TMEM260: variants seen among roughly 807,000 people sequenced by gnomAD.
TMEM260 encodes the protein protein O-mannosyl-transferase TMEM260.
Under a neutral mutation model 88.9 loss-of-function variants are expected in TMEM260, and 82 were observed. The observed-to-expected ratio is 0.92, with a 90% CI of 0.77 to 1.11. TMEM260 has a LOEUF of 1.11. Among genes scored for constraint, TMEM260 ranks in the 50% least tolerant of loss-of-function variants. The pLI is 0.00. For synonymous variants in TMEM260, 314 were observed against 309.3 expected (o/e 1.02, Z -0.16); for missense variants, 902 against 853.4 (o/e 1.06, Z -0.71).
intron 14 of TMEM260, 57 bp downstream of exon 14, chr14:56,635,009 C>G (rs1888930071): frequency 2.7e-6 from 4 of 1,460,378 alleles, no homozygotes; most frequent in Admixed American, 1.7e-5. Flanking sequence ...AGGGAAGTAG[C>G]TTATGGCACT....
chr14:56,609,121 T>C lies in TMEM260; in HGVS notation c.652T>C (p.Ser218Pro). 6.2e-7 allele frequency: 1 copy of C among 1,614,164 alleles called. No homozygotes were observed. The highest frequency in any genetic ancestry group is 8.5e-7 in the Non-Finnish European group (1 of 1,180,010). ...TCTGATGCAGGAACTCTCCCTGGGC[T>C]CTTTGTTGAAGTTGAGCCTGTACTT... ...LLKKKELSLG[S>P]LLKLSLYFSA... Residue 218 changes from serine (S) to proline (P), a missense_variant, in exon 6 of 16, where the codon TCT (serine) becomes CCT (proline). Coordinates refer to ENST00000261556, the MANE Select transcript of TMEM260 (RefSeq NM_017799.4).
At chr14:56,619,932 A>G (rs988825294) in intron 10 of TMEM260, among the ~76,000 whole-genome samples, 8 of 152,232 alleles carry the variant, frequency 5.3e-5, no homozygotes, top group African/African-American at 1.9e-4. Flanking sequence ...TGTGGTCCAT[A>G]TACACCATGG....
rs1199520316 is a variant in TMEM260, at chr14:56,579,884, C to A, written c.-31C>A. 8.1e-7 allele frequency: 1 copy of A among 1,231,888 alleles called. No homozygotes were observed. The highest frequency in any genetic ancestry group is 1.0e-6 in the Non-Finnish European group (1 of 987,672). The allele number at this position is 1,231,888 out of a possible 1,614,324, so 76.3% of individuals were successfully genotyped here. A position where few individuals can be genotyped will look rare whatever the true frequency, so the allele number is the denominator to read the frequency against. On this transcript the variant is annotated 5_prime_UTR_variant, in exon 1 of 16. Transcript: ENST00000261556. ...TGTCGCACCGGGTTCTTGGGCTGGC[C>A]GTGTCCTTCTCCCTCGGTCGCCACT...
chr14:56,585,454 A>G (rs1157179827), intron 2 of TMEM260, among the ~76,000 whole-genome samples: 1 of 152,066 alleles, frequency 6.6e-6, no homozygotes. Context: ...GCTTTTTTTC[A>G]ATAGCCTTTT....
At chr14:56,580,475 T>G (rs1015603871) in intron 1 of TMEM260, among the ~76,000 whole-genome samples, 1 of 152,220 alleles carries the variant, frequency 6.6e-6, no homozygotes, top group African/African-American at 2.4e-5. Context: ...CCAGTGCGGT[T>G]AGACAATACA....
chr14:56,636,489 T>C lies in TMEM260; in HGVS notation c.1779-19T>C. On this transcript the variant is annotated intron_variant, in intron 14 of 15. Coordinates refer to ENST00000261556, the MANE Select transcript of TMEM260 (RefSeq NM_017799.4). Reference sequence around the variant, plus strand: ...ATTGACTGTATGATTTTAATGAAGGTTCCTATCCCCACCCCCAGGATGAAA... The same window carrying C: ...ATTGACTGTATGATTTTAATGAAGGCTCCTATCCCCACCCCCAGGATGAAA... 6.2e-7 allele frequency: 1 copy of C among 1,609,546 alleles called. No homozygotes were observed. Among genetic ancestry groups the C allele is most frequent in the Non-Finnish European group, 8.5e-7 (1 of 1,175,982 alleles).
the TMEM260 span, among the ~76,000 whole-genome samples, chr14:56,656,288 G>A: frequency 4.6e-5 from 7 of 152,024 alleles, no homozygotes; most frequent in Admixed American, 1.3e-4. Flanking sequence ...GCATGGTGTC[G>A]TGTGCCTGTG....
At position 56,605,611 on chromosome 14, in the gene TMEM260, T is replaced by G; in HGVS notation, c.564T>G (p.Cys188Trp). 1 of 1,583,504 alleles carries G rather than the reference T, an allele frequency of 6.3e-7. No homozygotes were observed. The change falls in exon 5 of 16, where the codon TGT (cysteine) becomes TGG (tryptophan). Residue 188 changes from cysteine to tryptophan, a missense_variant. Coordinates refer to ENST00000261556, the MANE Select transcript of TMEM260 (RefSeq NM_017799.4). ...CTTTCTGCTGTGGCCTTAGTTTATGTAACCAGCACACAATAATACTCTATG... is the reference window on the plus strand; with the variant it reads ...CTTTCTGCTGTGGCCTTAGTTTATGGAACCAGCACACAATAATACTCTATG... The part of the protein sequence containing the change: ...IGAFCCGLSL[C>W]NQHTIILYVL...
At chr14:56,580,330 C>A (rs557960477) in intron 1 of TMEM260, among the ~76,000 whole-genome samples, 1 of 152,226 alleles carries the variant, frequency 6.6e-6, no homozygotes, top group African/African-American at 2.4e-5. Context: ...ATCGACCTCT[C>A]CACTTCCCCA....
At position 56,580,045 on chromosome 14, in the gene TMEM260, T is replaced by A. The variant is rs1885007286; in HGVS notation, c.131T>A (p.Leu44Gln). The change falls in exon 1 of 16, where the codon CTG (leucine) becomes CAG (glutamine). Residue 44 changes from leucine to glutamine, a missense_variant. By Grantham distance (113) the Leu-to-Gln change is moderately radical. Transcript: ENST00000261556. Reference sequence around the variant, plus strand: ...GTGGCCGCAGTGTTCACCTTCACCCTGCCCCCTTCGGTACCGGGGGGAGAC... The same window carrying A: ...GTGGCCGCAGTGTTCACCTTCACCCAGCCCCCTTCGGTACCGGGGGGAGAC... ...AAVAAVFTFT[L>Q]PPSVPGGDSG... 8.0e-7 allele frequency: 1 copy of A among 1,251,748 alleles called. No individual in the cohort carries two copies. The highest frequency in any genetic ancestry group is 1.5e-5 in the African/African-American group (1 of 64,842). 77.5% of individuals were successfully genotyped at this position (1,251,748 alleles called of 1,614,324 possible).
intron 10 of TMEM260, among the ~76,000 whole-genome samples, chr14:56,620,666 C>G (rs968360489): frequency 6.6e-6 from 1 of 152,188 alleles, no homozygotes; most frequent in Non-Finnish European, 1.5e-5. Context: ...ATTTTTACAT[C>G]AATTACAAAG....
At chr14:56,642,598 G>A (rs1469223898) in intron 15 of TMEM260, among the ~76,000 whole-genome samples, 7 of 150,560 alleles carry the variant, frequency 4.6e-5, no homozygotes, top group East Asian at 2.0e-4. Context: ...AATTAAAAGA[G>A]CTAGAGAAGC....
chr14:56,636,732 A>C, intron 15 of TMEM260, 134 bp downstream of exon 15: 2 of 750,394 alleles, frequency 2.7e-6, no homozygotes, highest in South Asian at 3.7e-5. Flanking sequence ...GGTATAAAGC[A>C]GCACATATGA....
chr14:56,591,147 C>A lies in TMEM260; in HGVS notation c.344+5235C>A, dbSNP rs1885830407. Among the ~76,000 whole-genome samples the A allele has an allele frequency of 3.3e-5, 5 of 152,300 alleles. No individual in the cohort carries two copies. The South Asian group carries it at 1.0e-3, about 32-fold the overall frequency. On this transcript the variant is annotated intron_variant, in intron 3 of 15. Transcript: ENST00000261556. ...AACATTTAAATTGCTAAATCTGTTT[C>A]CTGCCGAGATTTTGCCACTGGAACT... is the stretch of plus-strand genomic sequence containing the variant.
Position 56,625,505 on chromosome 14 carries a change from T to A in TMEM260, c.1522T>A (p.Tyr508Asn). ...LPSGMVTFNL[Y>N]HFLEVNKQKE... ...TAGTGGAATGGTCACATTTAATCTTTATCATTTTCTTGAAGTAAATAAACA... is the reference window on the plus strand; with the variant it reads ...TAGTGGAATGGTCACATTTAATCTTAATCATTTTCTTGAAGTAAATAAACA... Residue 508 changes from tyrosine (Y) to asparagine (N), a missense_variant, in exon 12 of 16, where the codon TAT (tyrosine) becomes AAT (asparagine). Coordinates refer to ENST00000261556, the MANE Select transcript of TMEM260 (RefSeq NM_017799.4). The A allele has an allele frequency of 1.9e-6, 3 of 1,600,224 alleles. No individual in the cohort carries two copies. The highest frequency in any genetic ancestry group is 2.6e-6 in the Non-Finnish European group (3 of 1,170,708).
At chr14:56,659,007 G>A in the TMEM260 span, among the ~76,000 whole-genome samples, 4,643 of 152,294 alleles carry the variant, frequency 0.03, 127 homozygotes, top group East Asian at 0.14. Context: ...TGGGATTACA[G>A]GCATGAGCCA....
rs186669103 is a variant in TMEM260 at position 56,625,548 on chromosome 14, A to G, written c.1547+18A>G. 6.5e-4 allele frequency: 1,014 copies of G among 1,557,670 alleles called. 1 individual carries two copies. The highest frequency in any genetic ancestry group is 7.4e-4 in the Non-Finnish European group (845 of 1,141,982). On this transcript the variant is annotated intron_variant, in intron 12 of 15. Coordinates refer to ENST00000261556, the MANE Select transcript of TMEM260 (RefSeq NM_017799.4). Reference sequence around the variant, plus strand: ...AATAAACAGTAAGCATTCTTTTTATATAATAGCTTTTCTAAAATCTTAAGC... The same window carrying G: ...AATAAACAGTAAGCATTCTTTTTATGTAATAGCTTTTCTAAAATCTTAAGC...
intron 14 of TMEM260, among the ~76,000 whole-genome samples, chr14:56,636,217 C>T (rs1345827109): frequency 6.8e-6 from 1 of 147,420 alleles, no homozygotes; most frequent in African/African-American, 2.6e-5. Flanking sequence ...TTCCTGGCTT[C>T]TCTTGCATAA....
At chr14:56,632,049 G>C (rs1243442054) in intron 12 of TMEM260, among the ~76,000 whole-genome samples, 1 of 152,144 alleles carries the variant, frequency 6.6e-6, no homozygotes, top group Non-Finnish European at 1.5e-5. Context: ...CTGGGTGGTG[G>C]TCTGTCCTGT....
Sources: allele counts gnomAD v4.1 joint callset (sites outside exome capture counted in the v4.1 genomes callset), GRCh38; gene constraint gnomAD v4.1.1; transcripts MANE v1.5; gene names NCBI Gene and HGNC (gene_info 2026-07-23, HGNC 2026-07-21).